OTOF: variants seen among roughly 807,000 people sequenced by gnomAD.
OTOF encodes the protein fer-1-like family member 2.
OTOF carries 218 observed loss-of-function variants against 236.8 expected under a neutral mutation model. The observed-to-expected ratio is 0.92, with a 90% CI of 0.82 to 1.03. The LOEUF (loss-of-function observed/expected upper bound fraction) is 1.03. OTOF is among the 50% of genes least tolerant of loss of function. OTOF has a pLI of 0.00. For missense variants in OTOF, 2,590 were observed against 2,694.4 expected (o/e 0.96, Z 0.86); for synonymous variants, 1,041 against 1,072.5 (o/e 0.97, Z 0.57).
chr2:26,476,438 C>T (rs1321277290), intron 22 of OTOF, 121 bp from the exon 23 acceptor site: 21 of 952,136 alleles, frequency 2.2e-5, no homozygotes, highest in Non-Finnish European at 3.0e-5. Flanking sequence ...AGCCATCCCG[C>T]TGGGCTGGGG....
Position 26,537,132 on chromosome 2 carries a change from C to T in OTOF, c.138+584G>A, listed in dbSNP as rs143653514. On this transcript the variant is annotated intron_variant, in intron 2 of 46. Coordinates refer to ENST00000272371, the MANE Select transcript of OTOF (RefSeq NM_194248.3). Reference sequence around the variant, plus strand: ...TCGTTGTCAATAGACCAGCAGCTCACGTCTTTTCTCATGGAACCCCCAGAG... The same window carrying T: ...TCGTTGTCAATAGACCAGCAGCTCATGTCTTTTCTCATGGAACCCCCAGAG... Among the ~76,000 whole-genome samples the T allele has an allele frequency of 9.2e-3, 1,400 of 152,318 alleles. 11 individuals carry two copies. The highest frequency in any genetic ancestry group is 0.022 in the African/African-American group (929 of 41,558).
At chr2:26,458,504 G>A (rs936965498) in intron 46 of OTOF, among the ~76,000 whole-genome samples, 2 of 152,338 alleles carry the variant, frequency 1.3e-5, no homozygotes, top group Middle Eastern at 3.4e-3. Context: ...AGTTCTCATC[G>A]TTAGGAAGCT....
intron 18 of OTOF, 46 bp downstream of exon 18, chr2:26,479,218 T>C: frequency 6.2e-7 from 1 of 1,607,122 alleles, no homozygotes; most frequent in East Asian, 2.2e-5. Context: ...GACAGCGCCG[T>C]CTCCCCCAGG....
At chr2:26,475,268 G>GT in intron 25 of OTOF, 91 bp downstream of exon 25, 1 of 1,456,480 alleles carries the variant, frequency 6.9e-7, no homozygotes, top group Non-Finnish European at 9.6e-7. Flanking sequence ...GGTGGCGGAG[G>GT]TGAGGGCACA....
Position 26,498,082 on chromosome 2 carries a change from C to T in OTOF, c.766-3009G>A, listed in dbSNP as rs73920293. Among the ~76,000 whole-genome samples, 502 of 152,326 alleles carry T rather than the reference C, an allele frequency of 3.3e-3. 2 individuals carry two copies. Among genetic ancestry groups the T allele is most frequent in the African/African-American group, 0.012 (491 of 41,576 alleles). On this transcript the variant is annotated intron_variant, in intron 8 of 46. Coordinates refer to ENST00000272371, the MANE Select transcript of OTOF (RefSeq NM_194248.3). Reference sequence around the variant, plus strand: ...CCAGCAGCAAGTCCTCTTCCCACTGCCAAGAGAGTGGTTGGTTTTTATGTT... The same window carrying T: ...CCAGCAGCAAGTCCTCTTCCCACTGTCAAGAGAGTGGTTGGTTTTTATGTT...
chr2:26,527,808 C>G (rs1229164907), intron 3 of OTOF, 24 bp downstream of exon 3: 1 of 1,555,592 alleles, frequency 6.4e-7, no homozygotes, highest in East Asian at 2.2e-5. Flanking sequence ...AGGCCCAGCC[C>G]CTCCTGCCCC....
At position 26,489,776 on chromosome 2, in the gene OTOF, GGGCAGCAGCAACAGCCCA is replaced by G. The variant is rs576889634; in HGVS notation, c.898-54_898-37del. ...AAGGATCCAGGCCTGCTGTCACTGA[GGGCAGCAGCAACAGCCCA>G]GGCAGTGTTGGGCCCCTCCCTCCTC... is the stretch of plus-strand genomic sequence containing the variant. On this transcript the variant is annotated intron_variant, in intron 9 of 46. Transcript: ENST00000272371. 9.4e-4 allele frequency: 1,451 copies of G among 1,535,684 alleles called. 16 individuals are homozygous for G. The Admixed American group carries it at 0.022, about 23-fold the overall frequency.
chr2:26,473,875 C>T lies in OTOF; in HGVS notation c.3408+116G>A. The T allele has an allele frequency of 7.1e-7, 1 of 1,407,370 alleles. No homozygotes were observed. Among genetic ancestry groups the T allele is most frequent in the South Asian group, 1.2e-5 (1 of 85,698 alleles). 87.2% of individuals were successfully genotyped at this position (1,407,370 alleles called of 1,614,324 possible). ...GCAGGCCCTGGGCTGGGGCAGGAGCCTGGGTCTGCTGCTGGCTCCTGGTGA... is the reference window on the plus strand; with the variant it reads ...GCAGGCCCTGGGCTGGGGCAGGAGCTTGGGTCTGCTGCTGGCTCCTGGTGA... On this transcript the variant is annotated intron_variant, in intron 27 of 46. Coordinates refer to ENST00000272371, the MANE Select transcript of OTOF (RefSeq NM_194248.3). The surrounding 1 kb of genome is among the most constrained non-coding windows in gnomAD (Gnocchi z 7.2).
At chr2:26,469,073 C>A (rs1664862444) in intron 32 of OTOF, among the ~76,000 whole-genome samples, 1 of 152,016 alleles carries the variant, frequency 6.6e-6, no homozygotes, top group Admixed American at 6.6e-5. Context: ...AGAAATAACA[C>A]CTTGCAATAA....
chr2:26,531,952 G>T (rs1040542370), intron 2 of OTOF, among the ~76,000 whole-genome samples: 1 of 152,050 alleles, frequency 6.6e-6, no homozygotes, highest in South Asian at 2.1e-4. Flanking sequence ...AATTAGCCAG[G>T]TGTGGTGGTG....
Position 26,480,322 on chromosome 2 carries a change from G to C in OTOF, c.1804-11C>G. On this transcript the variant is annotated splice_polypyrimidine_tract_variant and intron_variant, in intron 15 of 46. Coordinates refer to ENST00000272371, the MANE Select transcript of OTOF (RefSeq NM_194248.3). Reference sequence around the variant, plus strand: ...TTTACCTGCACAGCTCTGTGGGGAGGCAGTTCAAAGCGTTCCTGAGCTTGA... The same window carrying C: ...TTTACCTGCACAGCTCTGTGGGGAGCCAGTTCAAAGCGTTCCTGAGCTTGA... 4 of 1,513,350 alleles carry C rather than the reference G, an allele frequency of 2.6e-6. No individual in the cohort carries two copies. The highest frequency in any genetic ancestry group is 3.7e-6 in the Non-Finnish European group (4 of 1,092,050). 93.7% of individuals were successfully genotyped at this position (1,513,350 alleles called of 1,614,324 possible).
At chr2:26,548,612 A>G (rs1667390638) in intron 1 of OTOF, among the ~76,000 whole-genome samples, 1 of 152,248 alleles carries the variant, frequency 6.6e-6, no homozygotes, top group African/African-American at 2.4e-5. Flanking sequence ...TGGATATACA[A>G]CAGTGGTCCC....
intron 1 of OTOF, among the ~76,000 whole-genome samples, chr2:26,541,683 A>G (rs997520677): frequency 6.6e-6 from 1 of 152,222 alleles, no homozygotes; most frequent in Non-Finnish European, 1.5e-5. Context: ...TCCACTTCAC[A>G]TCTACTCCAT....
Position 26,527,893 on chromosome 2 carries a change from T to C in OTOF, c.166A>G (p.Ile56Val), listed in dbSNP as rs1666848086. 1 of 1,614,008 alleles carries C rather than the reference T, an allele frequency of 6.2e-7. No homozygotes were observed. Among genetic ancestry groups the C allele is most frequent in the African/African-American group, 1.3e-5 (1 of 74,920 alleles). The part of the protein sequence containing the change: ...ETFRWPVASS[I>V]DRNEMLEIQV... ...ATCTCCAGCATCTCATTTCTGTCGA[T>C]GCTGCTGGCCACCGGCCACCGAAAT... Residue 56 changes from isoleucine to valine, a missense_variant, in exon 3 of 47, where the codon ATC (isoleucine) becomes GTC (valine). This residue lies in a region of OTOF where 1,379 missense variants were observed against 1,341.6 expected (regional missense o/e 1.03). Coordinates refer to ENST00000272371, the MANE Select transcript of OTOF (RefSeq NM_194248.3).
At chr2:26,498,713 C>T (rs1456712090) in intron 8 of OTOF, among the ~76,000 whole-genome samples, 2 of 152,198 alleles carry the variant, frequency 1.3e-5, no homozygotes, top group African/African-American at 2.4e-5. Context: ...ATACCCCTGT[C>T]CTGGGAAAAC....
At chr2:26,536,268 C>A (rs1421451065) in intron 2 of OTOF, among the ~76,000 whole-genome samples, 1 of 152,150 alleles carries the variant, frequency 6.6e-6, no homozygotes, top group Non-Finnish European at 1.5e-5. Flanking sequence ...ACCTTCACAC[C>A]CATCACCAAC....
intron 1 of OTOF, among the ~76,000 whole-genome samples, chr2:26,550,112 A>C (rs1438304507): frequency 6.6e-6 from 1 of 152,098 alleles, no homozygotes; most frequent in South Asian, 2.1e-4. Flanking sequence ...CTGAAAAAAA[A>C]AAAAGCCAGT....
At chr2:26,522,097 T>C (rs1023329139) in intron 3 of OTOF, among the ~76,000 whole-genome samples, 4 of 152,060 alleles carry the variant, frequency 2.6e-5, no homozygotes, top group Non-Finnish European at 4.4e-5. Flanking sequence ...GCCTGGAGGG[T>C]GGGACTGGGA....
chr2:26,525,761 G>C (rs1444428226), intron 3 of OTOF, among the ~76,000 whole-genome samples: 1 of 152,036 alleles, frequency 6.6e-6, no homozygotes, highest in Non-Finnish European at 1.5e-5. Context: ...TGAAAGAATG[G>C]ATGGATCGAT....
Sources: gnomAD v4.1 joint callset for allele counts (sites outside exome capture counted in the v4.1 genomes callset) on GRCh38, gnomAD v4.1.1 for gene constraint, gnomAD v4.1.1 regional missense constraint, Gnocchi (gnomAD v3.1) non-coding constraint, MANE v1.5 for transcripts, NCBI Gene and HGNC (gene_info 2026-07-23, HGNC 2026-07-21) for gene names.